COLEC10: variants seen among roughly 807,000 people sequenced by gnomAD.
The protein encoded by COLEC10 is collectin subfamily member 10.
In COLEC10, 22 loss-of-function variants were observed where a neutral mutation model predicts 28.4. The ratio of observed to expected loss-of-function variants is 0.78; its 90% confidence interval spans 0.55 to 1.11. The LOEUF is 1.11. Ranked by LOEUF, COLEC10 falls within the 50% of genes least tolerant of loss-of-function variation. COLEC10 has a pLI of 0.00. For synonymous variants in COLEC10, 125 were observed against 116.1 expected, an observed-to-expected ratio of 1.08 and a Z score of -0.49; for missense variants, 361 against 344.1, an observed-to-expected ratio of 1.05 and a Z score of -0.39.
chr8:119,079,533 G>C (rs960635085), intron 1 of COLEC10, among the ~76,000 whole-genome samples: 2 of 152,104 alleles, frequency 1.3e-5, no homozygotes, highest in African/African-American at 2.4e-5. Context: ...TGAATGATAT[G>C]TGAAGGCTGA....
In COLEC10 at chr8:119,032,278, A is replaced by G. The variant is rs146202125; in HGVS notation, n.235+22725A>G. 8.1e-3 allele frequency among the ~76,000 whole-genome samples: 1,236 copies of G among 152,322 alleles called. 69 individuals are homozygous for G. The highest frequency in any genetic ancestry group is 0.074 in the Admixed American group (1,133 of 15,298). On this transcript the variant is annotated intron_variant and non_coding_transcript_variant, in intron 2 of 6. Transcript: ENST00000521788. ...GAAGTAATTGGAGAAGTTGAAATTAAAGACCTGTGTAGCCCCTTCAAACTT... is the reference window on the plus strand; with the variant it reads ...GAAGTAATTGGAGAAGTTGAAATTAGAGACCTGTGTAGCCCCTTCAAACTT...
At chr8:119,027,904 A>G (rs1256332223) in intron 2 of COLEC10, among the ~76,000 whole-genome samples, 1 of 152,166 alleles carries the variant, frequency 6.6e-6, no homozygotes, top group East Asian at 1.9e-4. Flanking sequence ...TGAACTCTGG[A>G]ATTGGAAAGT....
At chr8:118,989,782 A>T in the COLEC10 span, among the ~76,000 whole-genome samples, 2 of 151,996 alleles carry the variant, frequency 1.3e-5, no homozygotes, top group Non-Finnish European at 2.9e-5. Context: ...ATAGTAATAA[A>T]TGTCACATAT....
At chr8:119,083,204 T>C (rs1815401800) in intron 1 of COLEC10, among the ~76,000 whole-genome samples, 1 of 152,120 alleles carries the variant, frequency 6.6e-6, no homozygotes, top group African/African-American at 2.4e-5. Flanking sequence ...CTGGGATGAG[T>C]CTTCACACCA....
intron 1 of COLEC10, among the ~76,000 whole-genome samples, chr8:119,079,361 C>T (rs927897376): frequency 1.3e-5 from 2 of 152,138 alleles, no homozygotes; most frequent in African/African-American, 4.8e-5. Flanking sequence ...GTCCCATACC[C>T]TTTCAGTGAT....
chr8:118,978,148 T>C, the COLEC10 span, among the ~76,000 whole-genome samples: 1 of 152,170 alleles, frequency 6.6e-6, no homozygotes, highest in Non-Finnish European at 1.5e-5. Flanking sequence ...GTTCATTGTT[T>C]CTTTCCTTCT....
At chr8:119,002,700 T>C (rs1374340253) in intron 1 of COLEC10, among the ~76,000 whole-genome samples, 1 of 152,128 alleles carries the variant, frequency 6.6e-6, no homozygotes, top group Non-Finnish European at 1.5e-5. Flanking sequence ...GTCAATTAAA[T>C]TGTTTTACAA....
intron 1 of COLEC10, among the ~76,000 whole-genome samples, chr8:118,998,141 G>A (rs114929106): frequency 1.3e-5 from 2 of 148,232 alleles, no homozygotes; most frequent in African/African-American, 5.1e-5. Context: ...CTGCTAACTC[G>A]CAAGGTTGAC....
intron 2 of COLEC10, among the ~76,000 whole-genome samples, chr8:119,049,456 C>A (rs1036288365): frequency 8.0e-6 from 1 of 125,242 alleles, no homozygotes; most frequent in Non-Finnish European, 1.6e-5. Context: ...GCTCCATCGC[C>A]TAGGCTGGAG....
At chr8:119,010,521 A>G (rs1268489177) in intron 2 of COLEC10, among the ~76,000 whole-genome samples, 1 of 150,964 alleles carries the variant, frequency 6.6e-6, no homozygotes, top group Non-Finnish European at 1.5e-5. Context: ...GTTAAATATC[A>G]AGGAACACAA....
intron 1 of COLEC10, among the ~76,000 whole-genome samples, chr8:119,078,603 A>T (rs1205995064): frequency 3.3e-5 from 5 of 152,156 alleles, no homozygotes; most frequent in African/African-American, 4.8e-5. Context: ...TTGGAAATAG[A>T]TATCATAAAT....
At chr8:119,083,682 T>C (rs909177838) in intron 1 of COLEC10, among the ~76,000 whole-genome samples, 9 of 152,304 alleles carry the variant, frequency 5.9e-5, no homozygotes, top group Admixed American at 1.3e-4. Context: ...GATAGGAAAC[T>C]AAAGCAGGAA....
At chr8:119,037,832 C>A (rs1317420841) in intron 2 of COLEC10, among the ~76,000 whole-genome samples, 1 of 152,188 alleles carries the variant, frequency 6.6e-6, no homozygotes, top group Non-Finnish European at 1.5e-5. Flanking sequence ...TGCTTTAGAT[C>A]TGGTTGACAT....
chr8:119,012,063 A>G (rs1421728533), intron 2 of COLEC10, among the ~76,000 whole-genome samples: 1 of 150,772 alleles, frequency 6.6e-6, no homozygotes, highest in Non-Finnish European at 1.5e-5. Flanking sequence ...GAAAGCTTAG[A>G]GTTTCTCACC....
chr8:119,047,852 C>CTA (rs1303278741), intron 2 of COLEC10, among the ~76,000 whole-genome samples: 2 of 152,080 alleles, frequency 1.3e-5, no homozygotes, highest in African/African-American at 4.8e-5. Context: ...ATCTTTCTCT[C>CTA]TCTATATATA....
At chr8:119,058,893 G>T (rs1417152221) in intron 2 of COLEC10, among the ~76,000 whole-genome samples, 8 of 151,688 alleles carry the variant, frequency 5.3e-5, no homozygotes, top group Admixed American at 5.3e-4. Flanking sequence ...AATGAATGAG[G>T]GCTTCAATTT....
intron 2 of COLEC10, among the ~76,000 whole-genome samples, chr8:119,041,190 C>T (rs1814487820): frequency 6.6e-6 from 1 of 152,112 alleles, no homozygotes; most frequent in African/African-American, 2.4e-5. Flanking sequence ...TCGCCTCCTC[C>T]AAAGCTAGTG....
At chr8:119,036,776 G>C (rs1814395886) in intron 2 of COLEC10, among the ~76,000 whole-genome samples, 1 of 152,132 alleles carries the variant, frequency 6.6e-6, no homozygotes, top group Admixed American at 6.5e-5. Context: ...GGCAGACACA[G>C]GGGAAACCCA....
intron 1 of COLEC10, among the ~76,000 whole-genome samples, chr8:119,006,012 C>T (rs1011743182): frequency 6.6e-6 from 1 of 152,028 alleles, no homozygotes; most frequent in African/African-American, 2.4e-5. Context: ...TGCAGCAGTG[C>T]TTTTAAAGCT....
Sources: gnomAD v4.1 joint callset for allele counts (sites outside exome capture counted in the v4.1 genomes callset) on GRCh38, gnomAD v4.1.1 for gene constraint, MANE v1.5 for transcripts, NCBI Gene and HGNC (gene_info 2026-07-23, HGNC 2026-07-21) for gene names.